The following ARHGEF9 variants were observed in gnomAD, a reference collection of about 807,000 sequenced individuals.
ARHGEF9 encodes rho guanine nucleotide exchange factor 9.
ARHGEF9 carries 2 observed loss-of-function variants against 41.3 expected under a neutral mutation model. The observed-to-expected ratio is 0.05, with a 90% confidence interval of 0.02 to 0.15. The LOEUF (loss-of-function observed/expected upper bound fraction) is 0.15. ARHGEF9 is among the 10% of genes least tolerant of loss of function. The pLI, the probability that ARHGEF9 is intolerant of heterozygous loss-of-function variation, is 1.00. For missense variants in ARHGEF9, 225 were observed against 424.7 expected (o/e 0.53, Z 4.13); for synonymous variants, 160 against 154.4 (o/e 1.04, Z -0.27).
At chrX:63,780,898 A>G (rs1364799192) in intron 1 of ARHGEF9, among the ~76,000 whole-genome samples, 1 of 111,475 alleles carries the variant, frequency 9.0e-6, no homozygotes, top group Non-Finnish European at 1.9e-5. Context: ...TGTGTCCACA[A>G]TCCCTCTGGT....
chrX:63,739,107 C>G (rs1344698009), intron 1 of ARHGEF9, among the ~76,000 whole-genome samples: 5 of 111,791 alleles, frequency 4.5e-5, no homozygotes, highest in African/African-American at 1.6e-4. Flanking sequence ...GCACAATCCT[C>G]CAGAGATCAA....
chrX:63,686,920 G>GA (rs782563526), intron 4 of ARHGEF9, among the ~76,000 whole-genome samples: 4 of 110,322 alleles, frequency 3.6e-5, no homozygotes, highest in African/African-American at 1.3e-4. Flanking sequence ...TATAATACTG[G>GA]AAAAAATAAA....
At chrX:63,712,662 C>A (rs1390908362) in intron 2 of ARHGEF9, among the ~76,000 whole-genome samples, 3 of 111,239 alleles carry the variant, frequency 2.7e-5, no homozygotes, top group African/African-American at 9.8e-5. Flanking sequence ...TGTGAATATA[C>A]TAAAACCCAC....
chrX:63,635,725 G>A lies in ARHGEF9; in HGVS notation c.*2303C>T, dbSNP rs782367573. On this transcript the variant is annotated 3_prime_UTR_variant, in exon 10 of 10. Transcript: ENST00000671741. ...AGGAGGGAGGAAATGAGAGGGCCTA[G>A]TCAAGAAATGTAGGCCCAGAAACTT... The A allele has an allele frequency of 2.9e-4, 62 of 216,081 alleles. No individual in the cohort carries two copies. The South Asian group carries it at 5.4e-3, about 19-fold the overall frequency. The allele number at this position is 216,081 out of a possible 1,213,427, so 17.8% of individuals were successfully genotyped here. A position where few individuals can be genotyped will look rare whatever the true frequency, so the allele number is the denominator to read the frequency against.
At chrX:63,779,176 C>T (rs782682806) in intron 1 of ARHGEF9, among the ~76,000 whole-genome samples, 11 of 111,901 alleles carry the variant, frequency 9.8e-5, no homozygotes, top group East Asian at 5.6e-4. Context: ...GCCCGTTACC[C>T]GGTTCCAAAG....
At chrX:63,646,991 A>G (rs1482668570) in intron 8 of ARHGEF9, among the ~76,000 whole-genome samples, 1 of 111,461 alleles carries the variant, frequency 9.0e-6, no homozygotes, top group Non-Finnish European at 1.9e-5. Flanking sequence ...TCTTTGAAGC[A>G]ATTGTGAATG....
At position 63,665,985 on chromosome X, in the gene ARHGEF9, C is replaced by T; in HGVS notation, c.978G>A (p.Leu326=). The T allele has an allele frequency of 8.3e-7, 1 of 1,206,247 alleles. No homozygotes were observed. The highest frequency in any genetic ancestry group is 1.1e-6 in the Non-Finnish European group (1 of 893,763). ...TCCAGGCCATCTCCCCAGTGTAGAT[C>T]AGCTCCGAGCTCCTGTCTAGGATGT... ...GEDILDRSSE[L]IYTGEMAWIY... Residue 326 remains leucine, a synonymous_variant, in exon 7 of 10, where the codon CTG becomes CTA. Transcript: ENST00000671741.
At chrX:63,675,204 C>T (rs2050184637) in intron 5 of ARHGEF9, among the ~76,000 whole-genome samples, 1 of 111,381 alleles carries the variant, frequency 9.0e-6, no homozygotes, top group Non-Finnish European at 1.9e-5. Context: ...GACAAATGGA[C>T]CACTATTTTG....
At chrX:63,731,458 C>T (rs2054276135) in intron 1 of ARHGEF9, among the ~76,000 whole-genome samples, 1 of 110,070 alleles carries the variant, frequency 9.1e-6, no homozygotes, top group Non-Finnish European at 1.9e-5. Flanking sequence ...CTATGAGGTA[C>T]CATGGTGTAC....
intron 4 of ARHGEF9, among the ~76,000 whole-genome samples, chrX:63,694,938 A>G (rs1456445274): frequency 8.9e-6 from 1 of 112,736 alleles, no homozygotes; most frequent in Non-Finnish European, 1.9e-5. Context: ...TAAAAGGTAA[A>G]ATAATACATT....
At chrX:63,751,756 G>A (rs1378469345) in intron 1 of ARHGEF9, among the ~76,000 whole-genome samples, 1 of 111,390 alleles carries the variant, frequency 9.0e-6, no homozygotes. Flanking sequence ...AGCACAAGGA[G>A]GCTATTCAGA....
intron 6 of ARHGEF9, among the ~76,000 whole-genome samples, chrX:63,667,117 G>A (rs1202316385): frequency 8.9e-6 from 1 of 112,103 alleles, no homozygotes; most frequent in Non-Finnish European, 1.9e-5. Context: ...AGTGTCCCAA[G>A]ACACAGAAGA....
At chrX:63,704,014 G>A (rs1429389039) in intron 3 of ARHGEF9, among the ~76,000 whole-genome samples, 14 of 111,506 alleles carry the variant, frequency 1.3e-4, no homozygotes, top group Non-Finnish European at 1.1e-4. Context: ...TAGCAGAAAG[G>A]AGCAGGAGGT....
At chrX:63,704,248 G>T (rs2052383865) in intron 3 of ARHGEF9, among the ~76,000 whole-genome samples, 1 of 112,144 alleles carries the variant, frequency 8.9e-6, no homozygotes, top group Non-Finnish European at 1.9e-5. Context: ...GTATCATTTT[G>T]GAGCAATGCT....
chrX:63,687,475 G>A (rs1431821057), intron 4 of ARHGEF9, among the ~76,000 whole-genome samples: 1 of 111,156 alleles, frequency 9.0e-6, no homozygotes, highest in Non-Finnish European at 1.9e-5. Context: ...TATATCCATA[G>A]AAAGAGCAAA....
chrX:63,749,417 G>C (rs782715695), intron 1 of ARHGEF9, among the ~76,000 whole-genome samples: 2 of 111,247 alleles, frequency 1.8e-5, no homozygotes, highest in Admixed American at 9.5e-5. Context: ...TTTTAGTAGA[G>C]ACAGGGTTTC....
intron 8 of ARHGEF9, among the ~76,000 whole-genome samples, chrX:63,648,848 CAAAG>C (rs2048320004): frequency 9.0e-6 from 1 of 111,357 alleles, no homozygotes; most frequent in African/African-American, 3.3e-5. Flanking sequence ...TCAAAAGAGA[CAAAG>C]AAGGCCATTA....
intron 7 of ARHGEF9, among the ~76,000 whole-genome samples, chrX:63,659,968 T>G (rs1217848142): frequency 8.9e-6 from 1 of 111,839 alleles, no homozygotes; most frequent in Non-Finnish European, 1.9e-5. Context: ...ACAGCCATGA[T>G]AGAAAGCAGT....
chrX:63,722,425 T>G (rs75441415), intron 2 of ARHGEF9, among the ~76,000 whole-genome samples: 2 of 107,956 alleles, frequency 1.9e-5, no homozygotes, highest in African/African-American at 3.4e-5. Context: ...TTTTTTTTTT[T>G]TGTGCTACTG....
Sources: allele counts gnomAD v4.1 joint callset (sites outside exome capture counted in the v4.1 genomes callset), GRCh38; gene constraint gnomAD v4.1.1; transcripts MANE v1.5; gene names NCBI Gene and HGNC (gene_info 2026-07-23, HGNC 2026-07-21).